LRPPRC: variants seen among roughly 807,000 people sequenced by gnomAD.
The protein encoded by LRPPRC is leucine-rich PPR motif-containing protein, mitochondrial.
In LRPPRC, 120 loss-of-function variants were observed where a neutral mutation model predicts 180.3. The observed-to-expected ratio is 0.67, with a 90% CI of 0.57 to 0.77. The LOEUF is 0.77. Ranked by LOEUF, LRPPRC falls within the 30% of genes least tolerant of loss-of-function variation. The pLI is 0.00. For missense variants in LRPPRC, 2,012 were observed against 1,657.2 expected (o/e 1.21, Z -3.72); for synonymous variants, 723 against 600.0 (o/e 1.21, Z -3.00).
intron 34 of LRPPRC, among the ~76,000 whole-genome samples, chr2:43,897,755 C>T (rs1670736864): frequency 6.6e-6 from 1 of 151,828 alleles, no homozygotes; most frequent in African/African-American, 2.4e-5. Context: ...TCCCTGCTGC[C>T]ACCCACCCAG....
chr2:43,976,643 C>T (rs568903848), intron 5 of LRPPRC, among the ~76,000 whole-genome samples: 1 of 150,120 alleles, frequency 6.7e-6, no homozygotes, highest in South Asian at 2.1e-4. Context: ...TGATTTTCTA[C>T]ACTACTTCCA....
chr2:43,909,824 G>A (rs1671194633), intron 30 of LRPPRC, among the ~76,000 whole-genome samples: 1 of 151,916 alleles, frequency 6.6e-6, no homozygotes, highest in African/African-American at 2.4e-5. Context: ...TAGAGAAGAA[G>A]GGAAGAAGAT....
chr2:43,955,671 T>A (rs1366373565), intron 14 of LRPPRC, among the ~76,000 whole-genome samples: 1 of 151,298 alleles, frequency 6.6e-6, no homozygotes, highest in African/African-American at 2.4e-5. Flanking sequence ...GCCCGGGAGG[T>A]AAAGGCTGCA....
At chr2:43,915,772 G>A (rs1015496800) in intron 29 of LRPPRC, among the ~76,000 whole-genome samples, 1 of 152,148 alleles carries the variant, frequency 6.6e-6, no homozygotes, top group East Asian at 1.9e-4. Context: ...TTACATCAAT[G>A]CCACAAAATT....
At chr2:43,935,862 C>T (rs1208366242) in intron 23 of LRPPRC, among the ~76,000 whole-genome samples, 1 of 152,166 alleles carries the variant, frequency 6.6e-6, no homozygotes, top group African/African-American at 2.4e-5. Flanking sequence ...CCTGTAATCC[C>T]AGCACTTTGG....
chr2:43,986,352 A>G (rs1200513028), intron 1 of LRPPRC, among the ~76,000 whole-genome samples: 1 of 150,914 alleles, frequency 6.6e-6, no homozygotes, highest in African/African-American at 2.4e-5. Flanking sequence ...CTGGTCTCAA[A>G]CTCCTGACCT....
intron 1 of LRPPRC, among the ~76,000 whole-genome samples, chr2:43,991,339 T>C (rs1404611926): frequency 6.6e-6 from 1 of 152,146 alleles, no homozygotes; most frequent in Non-Finnish European, 1.5e-5. Flanking sequence ...GCCGGACCCA[T>C]CAGATTCTTA....
chr2:43,987,058 G>T (rs1055286139), intron 1 of LRPPRC, among the ~76,000 whole-genome samples: 1 of 152,110 alleles, frequency 6.6e-6, no homozygotes, highest in Non-Finnish European at 1.5e-5. Context: ...GGATCACGTG[G>T]ATTGATTTTC....
chr2:43,907,838 T>G (rs1359573853), intron 30 of LRPPRC, among the ~76,000 whole-genome samples: 3 of 152,278 alleles, frequency 2.0e-5, no homozygotes, highest in African/African-American at 7.2e-5. Context: ...TTCAGAGAAT[T>G]TATTGCTCTG....
chr2:43,995,238 A>C (rs906319736), intron 1 of LRPPRC, among the ~76,000 whole-genome samples: 1 of 152,158 alleles, frequency 6.6e-6, no homozygotes, highest in African/African-American at 2.4e-5. Flanking sequence ...ACCTTCTTAA[A>C]TGCTGAAGGA....
In LRPPRC at chr2:43,926,071, C is replaced by T. The variant is rs987002760; in HGVS notation, c.2737-110G>A. ...ATGAATTTGCTGCCAAATATATATA[C>T]TAAACTTATATACTAAACTATATAT... On this transcript the variant is annotated intron_variant, in intron 25 of 37. Coordinates refer to ENST00000260665, the MANE Select transcript of LRPPRC (RefSeq NM_133259.4). The T allele has an allele frequency of 4.3e-6, 3 of 695,046 alleles. No homozygotes were observed. The African/African-American group carries it at 5.4e-5, about 12-fold the overall frequency. 43.1% of individuals were successfully genotyped at this position (695,046 alleles called of 1,614,324 possible). A position where few individuals can be genotyped will look rare whatever the true frequency, so the allele number is the denominator to read the frequency against.
rs1255942522 is a variant in LRPPRC at position 43,887,427 on chromosome 2, G to A, written c.*1173C>T. 3 of 152,232 alleles carry A rather than the reference G, an allele frequency of 2.0e-5. No individual in the cohort carries two copies. Among genetic ancestry groups the A allele is most frequent in the Admixed American group, 2.0e-4 (3 of 15,276 alleles). 9.4% of individuals were successfully genotyped at this position (152,232 alleles called of 1,614,324 possible). On this transcript the variant is annotated 3_prime_UTR_variant, in exon 38 of 38. Coordinates refer to ENST00000260665, the MANE Select transcript of LRPPRC (RefSeq NM_133259.4). ...GGAGAGAGAGTTCCACAAGACAGAA[G>A]GTCAACAGCACAAGTTGCAAGAGGC...
At chr2:43,984,430 T>C (rs556970964) in intron 1 of LRPPRC, among the ~76,000 whole-genome samples, 1 of 152,240 alleles carries the variant, frequency 6.6e-6, no homozygotes, top group Non-Finnish European at 1.5e-5. Context: ...ACTAGCACAT[T>C]GTTCTGAATA....
At chr2:43,896,419 CTGTG>C (rs1670689342) in intron 35 of LRPPRC, 1 of 468,586 alleles carries the variant, frequency 2.1e-6, no homozygotes, top group Non-Finnish European at 3.9e-6. Flanking sequence ...CAATGCATAC[CTGTG>C]TAAGTGGAAA....
intron 1 of LRPPRC, among the ~76,000 whole-genome samples, chr2:43,987,908 T>C (rs755085906): frequency 1.3e-5 from 2 of 152,116 alleles, no homozygotes; most frequent in Non-Finnish European, 2.9e-5. Context: ...ATCTAATAAA[T>C]TAGACCTTTA....
intron 34 of LRPPRC, among the ~76,000 whole-genome samples, 182 bp downstream of exon 34, chr2:43,899,037 A>G (rs1348593918): frequency 6.6e-6 from 1 of 152,200 alleles, no homozygotes; most frequent in African/African-American, 2.4e-5. Context: ...CTTTAAAACC[A>G]GTAACCTAAA....
intron 16 of LRPPRC, among the ~76,000 whole-genome samples, 162 bp downstream of exon 16, chr2:43,949,440 T>G (rs540076558): frequency 6.6e-6 from 1 of 152,282 alleles, no homozygotes; most frequent in Non-Finnish European, 1.5e-5. Flanking sequence ...ATCAAACACT[T>G]TAGATCTCAA....
intron 11 of LRPPRC, among the ~76,000 whole-genome samples, chr2:43,965,667 C>CA (rs960332929): frequency 3.3e-5 from 5 of 151,966 alleles, no homozygotes; most frequent in African/African-American, 4.8e-5. Flanking sequence ...ATTTCAATAG[C>CA]AAAAAAACCC....
In LRPPRC at chr2:43,905,878, G is replaced by A. The variant is rs181778124; in HGVS notation, c.3276-98C>T. The A allele has an allele frequency of 1.7e-4, 142 of 840,626 alleles. No homozygotes were observed. In the Admixed American group the frequency reaches 2.2e-3, roughly 13 times the overall value. The allele number at this position is 840,626 out of a possible 1,614,324, so 52.1% of individuals were successfully genotyped here. A position where few individuals can be genotyped will look rare whatever the true frequency, so the allele number is the denominator to read the frequency against. On this transcript the variant is annotated intron_variant, in intron 30 of 37. Transcript: ENST00000260665. ...GGTGAAATTATAAAAACTACTGTTC[G>A]TATGTTAAAAATATTGCTGCAAAAT...
Sources: allele counts gnomAD v4.1 joint callset (sites outside exome capture counted in the v4.1 genomes callset), GRCh38; gene constraint gnomAD v4.1.1; transcripts MANE v1.5; gene names NCBI Gene and HGNC (gene_info 2026-07-23, HGNC 2026-07-21).